HERC1: variants seen among roughly 807,000 people sequenced by gnomAD.
The protein encoded by HERC1 is HECT and RLD domain containing E3 ubiquitin protein ligase family member 1.
Under a neutral mutation model 554.3 loss-of-function variants are expected in HERC1, and 160 were observed. The observed-to-expected ratio is 0.29, with a 90% CI of 0.25 to 0.33. The LOEUF (loss-of-function observed/expected upper bound fraction) is 0.33, where lower values mean the gene tolerates loss of function less well. Among genes scored for constraint, HERC1 ranks in the 10% least tolerant of loss-of-function variants. HERC1 has a pLI of 1.00. For missense variants in HERC1, 4,919 were observed against 5,918.5 expected (o/e 0.83, Z 5.54); for synonymous variants, 2,175 against 2,131.7 (o/e 1.02, Z -0.56).
chr15:63,829,491 T>TAC (rs2078062352), intron 1 of HERC1, among the ~76,000 whole-genome samples: 1 of 114,522 alleles, frequency 8.7e-6, no homozygotes, highest in Non-Finnish European at 1.9e-5. Context: ...TATATATATA[T>TAC]ATATATATAC....
In HERC1 at chr15:63,809,526, A is replaced by G. The variant is rs138592904; in HGVS notation, c.-27+24301T>C. On this transcript the variant is annotated intron_variant, in intron 1 of 77. Coordinates refer to ENST00000443617, the MANE Select transcript of HERC1 (RefSeq NM_003922.4). ...CTACACATCAGGAGCTGTGGATAACACTAAGATAATGAAGAGAAAGAATGG... is the reference window on the plus strand; with the variant it reads ...CTACACATCAGGAGCTGTGGATAACGCTAAGATAATGAAGAGAAAGAATGG... Among the ~76,000 whole-genome samples the G allele has an allele frequency of 2.1e-3, 327 of 152,282 alleles. 1 individual carries two copies. The highest frequency in any genetic ancestry group is 2.8e-3 in the Non-Finnish European group (190 of 68,030).
Position 63,661,912 on chromosome 15 carries a change from C to A in HERC1, c.9011G>T (p.Arg3004Leu), listed in dbSNP as rs778470973. ...GCGATAGCCCTGGCGGTTTGCACTG[C>A]GCCCACAGCCTGGATGGTTTCTCTT... Reference protein sequence around the residue: ...HMKRNHPGCGRSANRQGYRSN... With the variant: ...HMKRNHPGCGLSANRQGYRSN... The change falls in exon 45 of 78, where the codon CGC becomes CTC. Residue 3004 changes from arginine (R) to leucine (L), a missense_variant. By Grantham distance (102) the Arg-to-Leu change is moderately radical (BLOSUM62 -2). This residue lies in a region of HERC1 where 1,963 missense variants were observed against 2,228.6 expected (regional missense o/e 0.88). Transcript: ENST00000443617. The A allele has an allele frequency of 6.2e-7, 1 of 1,613,976 alleles. No individual in the cohort carries two copies. Among genetic ancestry groups the A allele is most frequent in the Admixed American group, 1.7e-5 (1 of 60,010 alleles).
At position 63,696,314 on chromosome 15, in the gene HERC1, A is replaced by G. The variant is rs746301906; in HGVS notation, c.4931T>C (p.Ile1644Thr). Reference sequence around the variant, plus strand: ...TTCCATCCCAGACAATAGAACGAGGATCTGATGAAGTGCCTCTAAACGAAG... The same window carrying G: ...TTCCATCCCAGACAATAGAACGAGGGTCTGATGAAGTGCCTCTAAACGAAG... Reference protein sequence around the residue: ...AELRLEALHQILVLLSGMEEK... With the variant: ...AELRLEALHQTLVLLSGMEEK... Residue 1644 changes from isoleucine to threonine, a missense_variant, in exon 27 of 78, where the codon ATC becomes ACC. Physicochemically the swap from Ile to Thr is moderately conservative, Grantham distance 89. Coordinates refer to ENST00000443617, the MANE Select transcript of HERC1 (RefSeq NM_003922.4). 55 of 1,612,426 alleles carry G rather than the reference A, an allele frequency of 3.4e-5. No individual in the cohort carries two copies. The highest frequency in any genetic ancestry group is 4.7e-5 in the Non-Finnish European group (55 of 1,179,292).
At chr15:63,746,223 A>C (rs1410035405) in intron 12 of HERC1, among the ~76,000 whole-genome samples, 1 of 151,726 alleles carries the variant, frequency 6.6e-6, no homozygotes, top group Non-Finnish European at 1.5e-5. Flanking sequence ...TGGTATGTTA[A>C]GTTTTTGTTT....
intron 34 of HERC1, among the ~76,000 whole-genome samples, chr15:63,682,398 C>G (rs2071522345): frequency 6.6e-6 from 1 of 152,158 alleles, no homozygotes; most frequent in Admixed American, 6.5e-5. Flanking sequence ...CACAAGTGGG[C>G]TTTAGATGAG....
At chr15:63,778,730 A>G (rs1378264196) in intron 1 of HERC1, among the ~76,000 whole-genome samples, 1 of 152,238 alleles carries the variant, frequency 6.6e-6, no homozygotes, top group Non-Finnish European at 1.5e-5. Flanking sequence ...AAAAACGAAC[A>G]TGAGAAAACT....
At position 63,641,558 on chromosome 15, in the gene HERC1, C is replaced by T; in HGVS notation, c.11519G>A (p.Gly3840Asp). Residue 3840 changes from glycine (G) to aspartate (D), a missense_variant, in exon 60 of 78, where the codon GGT (glycine) becomes GAT (aspartate). Physicochemically the swap from Gly to Asp is moderately conservative, Grantham distance 94 (BLOSUM62 -1). Coordinates refer to ENST00000443617, the MANE Select transcript of HERC1 (RefSeq NM_003922.4). The stretch of plus-strand genomic sequence containing the variant: ...GGGAGCCATGTTCAATCCCAGAACA[C>T]CCTGCTGTTTCAATGCTGTCCTACA... ...ATCRTALKQQ[G>D]VLGLNMAPCM... 6.2e-7 allele frequency: 1 copy of T among 1,611,138 alleles called. No homozygotes were observed. The highest frequency in any genetic ancestry group is 2.2e-5 in the East Asian group (1 of 44,812).
At position 63,645,620 on chromosome 15, in the gene HERC1, T is replaced by C. The variant is rs2069296712; in HGVS notation, c.10941A>G (p.Glu3647=). The C allele has an allele frequency of 6.2e-7, 1 of 1,612,126 alleles. No individual in the cohort carries two copies. The highest frequency in any genetic ancestry group is 1.3e-5 in the African/African-American group (1 of 74,894). The change falls in exon 56 of 78, where the codon GAA becomes GAG. Residue 3647 remains glutamate, a synonymous_variant. Coordinates refer to ENST00000443617, the MANE Select transcript of HERC1 (RefSeq NM_003922.4). ...TGHILMTCAK[E]DSVKLWGSIS... is the part of the protein sequence containing the mutation. ...TAGAGCCCCAGAGTTTCACACTGTCTTCTTTGGCACATGTCATAAGAATAT... is the reference window on the plus strand; with the variant it reads ...TAGAGCCCCAGAGTTTCACACTGTCCTCTTTGGCACATGTCATAAGAATAT...
At chr15:63,639,069 C>A (rs1303470467) in intron 61 of HERC1, among the ~76,000 whole-genome samples, 1 of 152,196 alleles carries the variant, frequency 6.6e-6, no homozygotes, top group Non-Finnish European at 1.5e-5. Flanking sequence ...GGACCCCACA[C>A]CCCTGTAAAC....
chr15:63,692,567 C>G lies in HERC1; in HGVS notation c.5675-1G>C. The G allele has an allele frequency of 6.2e-7, 1 of 1,601,640 alleles. No individual in the cohort carries two copies. Among genetic ancestry groups the G allele is most frequent in the Non-Finnish European group, 8.5e-7 (1 of 1,175,744 alleles). On this transcript the variant is annotated splice_acceptor_variant, in intron 30 of 77. Transcript: ENST00000443617. LOFTEE classifies it high-confidence loss of function. This position sits in a 1 kb window ranked among gnomAD's most constrained non-coding sequence, Gnocchi z 4.7. ...GCTGCATGTTGTTTCCTAAGAGCAG[C>G]TACAGTGAAGAGACAAGTTTACGTT...
At chr15:63,664,741 T>G (rs917908622) in intron 42 of HERC1, 147 bp from the exon 43 acceptor site, 1 of 639,988 alleles carries the variant, frequency 1.6e-6, no homozygotes, top group African/African-American at 1.8e-5. Context: ...CTTTATCCCT[T>G]GAACAGTTCA....
rs531193600 is a variant in HERC1, at chr15:63,689,136, C to T, written c.6048+453G>A. 6.2e-4 allele frequency among the ~76,000 whole-genome samples: 95 copies of T among 152,020 alleles called. 1 individual carries two copies. Among genetic ancestry groups the T allele is most frequent in the South Asian group, 2.3e-3 (11 of 4,816 alleles). ...GATTGGCAGAGAATATACGGAGATCCGGGAGAAAGCGTTTTGAAAATAACA... is the reference window on the plus strand; with the variant it reads ...GATTGGCAGAGAATATACGGAGATCTGGGAGAAAGCGTTTTGAAAATAACA... On this transcript the variant is annotated intron_variant, in intron 33 of 77. Transcript: ENST00000443617.
At chr15:63,666,557 G>T in intron 40 of HERC1, 85 bp from the exon 41 acceptor site, 1 of 866,692 alleles carries the variant, frequency 1.2e-6, no homozygotes. Context: ...CAATTTCCTA[G>T]TATTGTCCAA....
In HERC1 at chr15:63,672,495, C is replaced by A; in HGVS notation, c.8045+1G>T. On this transcript the variant is annotated splice_donor_variant, in intron 39 of 77. Transcript: ENST00000443617. LOFTEE classifies it high-confidence loss of function. ...CAGACATTAAAGGTCAACTTCTCTA[C>A]CTGAGAAGACTAAGAGGCATCACTC... 6.3e-7 allele frequency: 1 copy of A among 1,582,498 alleles called. No individual in the cohort carries two copies. Among genetic ancestry groups the A allele is most frequent in the South Asian group, 1.2e-5 (1 of 86,616 alleles).
intron 1 of HERC1, among the ~76,000 whole-genome samples, chr15:63,829,575 A>G (rs370175935): frequency 0.24 from 32,265 of 131,774 alleles, 4,756 homozygotes; most frequent in Middle Eastern, 0.37. Flanking sequence ...ATATATATAT[A>G]TATATATATA....
At chr15:63,738,176 T>C (rs1438950611) in intron 12 of HERC1, among the ~76,000 whole-genome samples, 1 of 152,080 alleles carries the variant, frequency 6.6e-6, no homozygotes, top group African/African-American at 2.4e-5. Flanking sequence ...AATACATAAC[T>C]CAATCCCATC....
intron 74 of HERC1, among the ~76,000 whole-genome samples, chr15:63,617,829 A>G (rs946787160): frequency 1.3e-5 from 2 of 152,240 alleles, no homozygotes; most frequent in Non-Finnish European, 2.9e-5. Flanking sequence ...GTCTGTTCAT[A>G]TCTTTCGCCC....
chr15:63,746,664 A>G (rs948303081), intron 12 of HERC1, among the ~76,000 whole-genome samples: 6 of 152,182 alleles, frequency 3.9e-5, no homozygotes, highest in African/African-American at 1.4e-4. Context: ...ACTAGAATAC[A>G]ATGTGATGTA....
chr15:63,805,549 A>T (rs1207412489), intron 1 of HERC1, among the ~76,000 whole-genome samples: 3 of 152,220 alleles, frequency 2.0e-5, no homozygotes, highest in Non-Finnish European at 4.4e-5. Context: ...AGACTATATG[A>T]TGATTGTGGT....
Sources: gnomAD v4.1 joint callset for allele counts (sites outside exome capture counted in the v4.1 genomes callset) on GRCh38, gnomAD v4.1.1 for gene constraint, gnomAD v4.1.1 regional missense constraint, Gnocchi (gnomAD v3.1) non-coding constraint, MANE v1.5 for transcripts, NCBI Gene and HGNC (gene_info 2026-07-23, HGNC 2026-07-21) for gene names.